Variants in TAF1B observed in about 807,000 individuals in gnomAD.
TAF1B encodes the protein TATA box-binding protein-associated factor RNA polymerase I subunit B.
TAF1B carries 61 observed loss-of-function variants against 83.9 expected under a neutral mutation model. The observed-to-expected ratio is 0.73, with a 90% CI of 0.59 to 0.90. The LOEUF (loss-of-function observed/expected upper bound fraction) is 0.90, where lower values mean the gene tolerates loss of function less well. Ranked by LOEUF, TAF1B falls within the 40% of genes least tolerant of loss-of-function variation. The pLI, the probability that TAF1B is intolerant of heterozygous loss-of-function variation, is 0.00. For synonymous variants in TAF1B, 221 were observed against 224.6 expected, an observed-to-expected ratio of 0.98 and a Z score of 0.14; for missense variants, 625 against 677.0, an observed-to-expected ratio of 0.92 and a Z score of 0.85.
rs566481936 is a variant in TAF1B at position 9,917,935 on chromosome 2, A to G, written c.1272-1106A>G. Among the ~76,000 whole-genome samples the G allele has an allele frequency of 3.2e-3, 490 of 151,340 alleles. 3 individuals are homozygous for G. Among genetic ancestry groups the G allele is most frequent in the African/African-American group, 0.011 (469 of 41,392 alleles). The stretch of plus-strand genomic sequence containing the variant: ...AAAATACAAAAAATTAGCCGGGCGT[A>G]GTGGCGGGCGCCTGTAGTCCCAGCT... On this transcript the variant is annotated intron_variant, in intron 12 of 14. Transcript: ENST00000263663.
chr2:9,870,202 C>T (rs2163337), intron 6 of TAF1B, among the ~76,000 whole-genome samples: 45,514 of 151,988 alleles, frequency 0.3, 7,200 homozygotes, highest in African/African-American at 0.37. Flanking sequence ...AGTTGTAGTC[C>T]ACCAGTCACG....
chr2:9,863,623 T>C (rs1332829451), intron 5 of TAF1B, among the ~76,000 whole-genome samples: 2 of 152,094 alleles, frequency 1.3e-5, no homozygotes, highest in South Asian at 2.1e-4. Context: ...GAACTCTCCA[T>C]CCTAAATCAA....
chr2:9,933,766 T>C lies in TAF1B; in HGVS notation c.1566-17T>C, dbSNP rs762912746. On this transcript the variant is annotated splice_polypyrimidine_tract_variant and intron_variant, in intron 14 of 14. Transcript: ENST00000263663. Reference sequence around the variant, plus strand: ...TTACCATCTAAAGATAAATTCTTTTTTCTTTTTCCCTTCTAGCTATTGTAC... The same window carrying C: ...TTACCATCTAAAGATAAATTCTTTTCTCTTTTTCCCTTCTAGCTATTGTAC... The C allele has an allele frequency of 3.1e-6, 5 of 1,590,306 alleles. No individual in the cohort carries two copies. The highest frequency in any genetic ancestry group is 4.3e-6 in the Non-Finnish European group (5 of 1,167,770).
chr2:9,913,256 TCTC>T lies in TAF1B; in HGVS notation c.1271+10_1271+12del. Reference sequence around the variant, plus strand: ...GGGAAGAAGCAAGGGCCAAGTATGTTCTCCTTCCTGGTTTAGATGCACCTGCCT... The same window carrying T: ...GGGAAGAAGCAAGGGCCAAGTATGTTCTTCCTGGTTTAGATGCACCTGCCT... On this transcript the variant is annotated splice_region_variant and intron_variant, in intron 12 of 14. Coordinates refer to ENST00000263663, the MANE Select transcript of TAF1B (RefSeq NM_005680.3). 1 of 1,609,614 alleles carries T rather than the reference TCTC, an allele frequency of 6.2e-7. No homozygotes were observed. Among genetic ancestry groups the T allele is most frequent in the Non-Finnish European group, 8.5e-7 (1 of 1,176,568 alleles).
intron 14 of TAF1B, among the ~76,000 whole-genome samples, chr2:9,929,834 A>T (rs544263822): frequency 8.5e-5 from 13 of 152,198 alleles, no homozygotes; most frequent in Admixed American, 7.8e-4. Flanking sequence ...TTTGGTTGGT[A>T]AGCTATTAAT....
chr2:9,902,069 G>A (rs1665193557), intron 8 of TAF1B, among the ~76,000 whole-genome samples: 1 of 151,972 alleles, frequency 6.6e-6, no homozygotes. Context: ...ATAATACAGG[G>A]AAGATTTTAG....
At chr2:9,876,797 A>G (rs1391155202) in intron 7 of TAF1B, among the ~76,000 whole-genome samples, 1 of 152,180 alleles carries the variant, frequency 6.6e-6, no homozygotes, top group Non-Finnish European at 1.5e-5. Flanking sequence ...CGTTGGTAAA[A>G]TGGGGCTAAT....
chr2:9,931,207 A>G lies in TAF1B; in HGVS notation c.1566-2576A>G, dbSNP rs1433479814. Among the ~76,000 whole-genome samples the G allele has an allele frequency of 2.0e-5, 3 of 152,328 alleles. No homozygotes were observed. In the East Asian group the frequency reaches 5.8e-4, roughly 29 times the overall value. On this transcript the variant is annotated intron_variant, in intron 14 of 14. Transcript: ENST00000263663. Reference sequence around the variant, plus strand: ...TGTTATGTGTGAATTTGATCCTGTCATTATGATGTTAGCTGGTTATTTTGC... The same window carrying G: ...TGTTATGTGTGAATTTGATCCTGTCGTTATGATGTTAGCTGGTTATTTTGC...
At chr2:9,880,348 A>G (rs1369931156) in intron 7 of TAF1B, among the ~76,000 whole-genome samples, 1 of 149,916 alleles carries the variant, frequency 6.7e-6, no homozygotes, top group African/African-American at 2.4e-5. Flanking sequence ...TTTTCTGTCA[A>G]CTTCCTGGAT....
rs982127680 is a variant in TAF1B at position 9,843,675 on chromosome 2, A to AGGCGGGGCGGAGGGCTGCAG, written c.18+123_18+142dup. The AGGCGGGGCGGAGGGCTGCAG allele has an allele frequency of 7.0e-5, 85 of 1,221,456 alleles. 1 individual carries two copies. Among genetic ancestry groups the AGGCGGGGCGGAGGGCTGCAG allele is most frequent in the Middle Eastern group, 2.9e-4 (1 of 3,474 alleles). 75.7% of individuals were successfully genotyped at this position (1,221,456 alleles called of 1,614,324 possible). ...GGCGGCGACGCCACCGGCTGGAGGAAGGCGGGGCGGAGGGCTGCAGGGCGG... is the reference window on the plus strand; with the variant it reads ...GGCGGCGACGCCACCGGCTGGAGGAAGGCGGGGCGGAGGGCTGCAGGGCGGGGCGGAGGGCTGCAGGGCGG... On this transcript the variant is annotated intron_variant, in intron 1 of 14. Coordinates refer to ENST00000263663, the MANE Select transcript of TAF1B (RefSeq NM_005680.3).
In TAF1B at chr2:9,871,225, G is replaced by A. The variant is rs1247670227; in HGVS notation, c.553+2796G>A. On this transcript the variant is annotated intron_variant, in intron 6 of 14. Coordinates refer to ENST00000263663, the MANE Select transcript of TAF1B (RefSeq NM_005680.3). ...TTCCCGAGTAGCTGGGACTACAGGC[G>A]CCCGCCACCATGCCCAGCTAATTTT... Among the ~76,000 whole-genome samples, 13 of 152,130 alleles carry A rather than the reference G, an allele frequency of 8.5e-5. No homozygotes were observed. In the East Asian group the frequency reaches 2.3e-3, roughly 27 times the overall value.
intron 14 of TAF1B, among the ~76,000 whole-genome samples, chr2:9,929,878 A>G (rs1279669023): frequency 6.6e-6 from 1 of 152,216 alleles, no homozygotes; most frequent in Admixed American, 6.5e-5. Context: ...TTATTGGTCT[A>G]TTCAGAGATT....
At chr2:9,847,573 C>A (rs62129895) in intron 2 of TAF1B, among the ~76,000 whole-genome samples, 1 of 151,988 alleles carries the variant, frequency 6.6e-6, no homozygotes, top group Non-Finnish European at 1.5e-5. Flanking sequence ...GCTCCAGACA[C>A]GCTCTGCAAT....
At chr2:9,927,881 G>C (rs1666090741) in intron 14 of TAF1B, among the ~76,000 whole-genome samples, 1 of 152,170 alleles carries the variant, frequency 6.6e-6, no homozygotes, top group African/African-American at 2.4e-5. Flanking sequence ...GGTCCCATTT[G>C]TCTATTTTGG....
chr2:9,864,416 A>G lies in TAF1B; in HGVS notation c.400-3860A>G, dbSNP rs1012652991. 3.3e-5 allele frequency among the ~76,000 whole-genome samples: 5 copies of G among 152,210 alleles called. No homozygotes were observed. The South Asian group carries it at 1.0e-3, about 31-fold the overall frequency. On this transcript the variant is annotated intron_variant, in intron 5 of 14. Coordinates refer to ENST00000263663, the MANE Select transcript of TAF1B (RefSeq NM_005680.3). Reference sequence around the variant, plus strand: ...AGAAGTTGAATCTCTGAATAGACCAATAAGAGGCTCTGAAATTGAGGCAAT... The same window carrying G: ...AGAAGTTGAATCTCTGAATAGACCAGTAAGAGGCTCTGAAATTGAGGCAAT...
chr2:9,876,580 T>C (rs1664326652), intron 7 of TAF1B, among the ~76,000 whole-genome samples: 1 of 152,248 alleles, frequency 6.6e-6, no homozygotes, highest in African/African-American at 2.4e-5. Flanking sequence ...TCTCACTTAA[T>C]AGACGTGCCA....
Position 9,854,356 on chromosome 2 carries a change from T to C in TAF1B, c.334T>C (p.Tyr112His). The C allele has an allele frequency of 1.2e-6, 2 of 1,614,122 alleles. No homozygotes were observed. Among genetic ancestry groups the C allele is most frequent in the South Asian group, 2.2e-5 (2 of 91,084 alleles). The change falls in exon 5 of 15, where the codon TAC becomes CAC. Residue 112 changes from tyrosine (Y) to histidine (H), a missense_variant. Physicochemically the swap from Tyr to His is moderately conservative, Grantham distance 83. Coordinates refer to ENST00000263663, the MANE Select transcript of TAF1B (RefSeq NM_005680.3). ...NDVLHNFWKR[Y>H]LQKSKQAYCK... Reference sequence around the variant, plus strand: ...TGTTTTACATAATTTTTGGAAGCGCTACCTTCAGAAGAGCAAGCAGGCATA... The same window carrying C: ...TGTTTTACATAATTTTTGGAAGCGCCACCTTCAGAAGAGCAAGCAGGCATA...
At chr2:9,915,774 C>CA (rs1665664892) in intron 12 of TAF1B, among the ~76,000 whole-genome samples, 2 of 152,154 alleles carry the variant, frequency 1.3e-5, no homozygotes, top group African/African-American at 2.4e-5. Flanking sequence ...CAAGCTCACA[C>CA]AAAAATCTGC....
At chr2:9,906,588 A>G (rs1315645411) in intron 9 of TAF1B, among the ~76,000 whole-genome samples, 4 of 152,228 alleles carry the variant, frequency 2.6e-5, no homozygotes, top group East Asian at 1.9e-4. Context: ...AACTTTAGGT[A>G]TGTAGCTTTT....
Sources: allele counts gnomAD v4.1 joint callset (sites outside exome capture counted in the v4.1 genomes callset), GRCh38; gene constraint gnomAD v4.1.1; transcripts MANE v1.5; gene names NCBI Gene and HGNC (gene_info 2026-07-23, HGNC 2026-07-21).